The following TIPRL variants were observed in gnomAD, a reference collection of about 807,000 sequenced individuals.
The protein encoded by TIPRL is TIP41-like protein.
TIPRL carries 10 observed loss-of-function variants against 32.3 expected under a neutral mutation model. The ratio of observed to expected loss-of-function variants is 0.31; its 90% CI spans 0.19 to 0.52. The LOEUF is 0.52. Ranked by LOEUF, TIPRL falls within the 20% of genes least tolerant of loss-of-function variation. TIPRL has a pLI of 0.96. For missense variants in TIPRL, 250 were observed against 328.1 expected, an observed-to-expected ratio of 0.76 and a Z score of 1.84; for synonymous variants, 100 against 114.0, an observed-to-expected ratio of 0.88 and a Z score of 0.78.
At chr1:168,197,165 A>G (rs1700167693) in intron 5 of TIPRL, among the ~76,000 whole-genome samples, 1 of 152,138 alleles carries the variant, frequency 6.6e-6, no homozygotes, top group Non-Finnish European at 1.5e-5. Context: ...AATACAAAAA[A>G]TTAGCCAGGC....
At chr1:168,199,307 C>T (rs886380790) in intron 6 of TIPRL, among the ~76,000 whole-genome samples, 5 of 152,092 alleles carry the variant, frequency 3.3e-5, no homozygotes, top group Non-Finnish European at 7.4e-5. Flanking sequence ...ACCACCCTGC[C>T]GCCTTATTTC....
At chr1:168,195,189 G>A (rs961281899) in intron 4 of TIPRL, among the ~76,000 whole-genome samples, 5 of 152,150 alleles carry the variant, frequency 3.3e-5, no homozygotes, top group Non-Finnish European at 5.9e-5. Context: ...CATCATTAAT[G>A]TAGCCCTGTG....
In TIPRL at chr1:168,192,301, G is replaced by A. The variant is rs190220186; in HGVS notation, c.516+801G>A. On this transcript the variant is annotated intron_variant, in intron 4 of 6. Transcript: ENST00000367833. Reference sequence around the variant, plus strand: ...GCGGAGCTTGCAGTGAGCTGAGATCGCACCACTGCACTCCAGCCCTCCAGC... The same window carrying A: ...GCGGAGCTTGCAGTGAGCTGAGATCACACCACTGCACTCCAGCCCTCCAGC... 307 of 1,035,326 alleles carry A rather than the reference G, an allele frequency of 3.0e-4. 1 individual carries two copies. In the African/African-American group the frequency reaches 4.4e-3, roughly 15 times the overall value. The allele number at this position is 1,035,326 out of a possible 1,614,324, so 64.1% of individuals were successfully genotyped here.
intron 4 of TIPRL, among the ~76,000 whole-genome samples, chr1:168,195,880 T>C (rs1231351292): frequency 2.6e-5 from 4 of 152,156 alleles, no homozygotes; most frequent in Non-Finnish European, 4.4e-5. Flanking sequence ...GCTAAACATA[T>C]TCATTTTAAA....
intron 4 of TIPRL, among the ~76,000 whole-genome samples, chr1:168,192,932 T>C (rs1700117011): frequency 6.6e-6 from 1 of 152,182 alleles, no homozygotes; most frequent in African/African-American, 2.4e-5. Flanking sequence ...CTCTCAATTA[T>C]AGCATTTGTC....
intron 1 of TIPRL, 80 bp from the exon 2 acceptor site, chr1:168,183,822 G>C (rs1699995594): frequency 7.0e-7 from 1 of 1,436,700 alleles, no homozygotes; most frequent in African/African-American, 1.4e-5. Context: ...CAAGTAGGAA[G>C]AATTCTGTTG....
At chr1:168,199,635 A>G (rs1472511388) in intron 6 of TIPRL, among the ~76,000 whole-genome samples, 1 of 152,218 alleles carries the variant, frequency 6.6e-6, no homozygotes, top group African/African-American at 2.4e-5. Flanking sequence ...AGCAGGAGAT[A>G]CATAGGGTTG....
chr1:168,193,500 A>G (rs1292081657), intron 4 of TIPRL, among the ~76,000 whole-genome samples: 1 of 152,112 alleles, frequency 6.6e-6, no homozygotes, highest in Non-Finnish European at 1.5e-5. Flanking sequence ...CTAGTCTTGT[A>G]TCTTTCCACT....
intron 4 of TIPRL, 27 bp from the exon 5 acceptor site, chr1:168,196,520 T>C: frequency 7.0e-7 from 1 of 1,429,580 alleles, no homozygotes. Context: ...TATTAAAATA[T>C]TAATGTACCT....
chr1:168,198,955 C>T lies in TIPRL; in HGVS notation c.649C>T (p.Arg217Ter). The change falls in exon 6 of 7, where the codon CGA (arginine) becomes TGA (stop). Residue 217 changes from arginine (R) to a stop codon, truncating the protein, a stop_gained. Transcript: ENST00000367833. LOFTEE classifies it high-confidence loss of function. ...KTYMLREYTS[R>*]ESKISSLMHV... ...CTACATGTTACGAGAATATACGTCA[C>T]GAGAAAGCAAAATTTCTAGTTTGAT... The T allele has an allele frequency of 1.2e-6, 2 of 1,612,002 alleles. No individual in the cohort carries two copies.
intron 4 of TIPRL, chr1:168,192,234 G>A (rs1225872306): frequency 1.4e-6 from 2 of 1,460,652 alleles, no homozygotes; most frequent in Non-Finnish European, 1.8e-6. Flanking sequence ...TGTAGTCCCA[G>A]CTACTCGGGA....
intron 3 of TIPRL, 90 bp downstream of exon 3, chr1:168,184,968 C>G (rs1700009670): frequency 4.0e-6 from 3 of 748,396 alleles, no homozygotes; most frequent in East Asian, 5.8e-5. Flanking sequence ...TTTTTTGCAA[C>G]TATTTTTATC....
chr1:168,192,532 AC>A (rs1700111512), intron 4 of TIPRL: 1 of 445,138 alleles, frequency 2.2e-6, no homozygotes, highest in Admixed American at 6.4e-5. Context: ...CTAAAATACC[AC>A]CTTTTCTACA....
intron 4 of TIPRL, among the ~76,000 whole-genome samples, chr1:168,191,858 C>CAAAA (rs60988834): frequency 5.9e-4 from 23 of 38,860 alleles, no homozygotes; most frequent in South Asian, 9.7e-4. Context: ...GGCGACAGAG[C>CAAAA]AAAAAAAAAA....
At chr1:168,191,019 A>G (rs1435180373) in intron 3 of TIPRL, among the ~76,000 whole-genome samples, 2 of 152,330 alleles carry the variant, frequency 1.3e-5, no homozygotes, top group East Asian at 3.9e-4. Flanking sequence ...CAAATGTTCT[A>G]TGACCTTCTA....
chr1:168,181,562 T>C (rs576673449), intron 1 of TIPRL, among the ~76,000 whole-genome samples: 40 of 149,686 alleles, frequency 2.7e-4, no homozygotes, highest in Middle Eastern at 6.8e-3. Flanking sequence ...GCAAAAGTAA[T>C]TGCGGTTTTT....
At chr1:168,198,807 T>G (rs1700182757) in intron 5 of TIPRL, 112 bp from the exon 6 acceptor site, 1 of 844,912 alleles carries the variant, frequency 1.2e-6, no homozygotes, top group Admixed American at 2.5e-5. Flanking sequence ...CTCTTTAGAC[T>G]GCATGCTGTT....
chr1:168,183,508 C>T (rs1191761591), intron 1 of TIPRL, among the ~76,000 whole-genome samples: 1 of 151,224 alleles, frequency 6.6e-6, no homozygotes, highest in Non-Finnish European at 1.5e-5. Context: ...TTCATCACCA[C>T]GTTTTGAAAC....
chr1:168,178,981 C>CT lies in TIPRL; in HGVS notation c.-96dup. 8.8e-7 allele frequency: 1 copy of CT among 1,134,736 alleles called. No individual in the cohort carries two copies. Among genetic ancestry groups the CT allele is most frequent in the Admixed American group, 2.2e-5 (1 of 45,120 alleles). 70.3% of individuals were successfully genotyped at this position (1,134,736 alleles called of 1,614,324 possible). A position where few individuals can be genotyped will look rare whatever the true frequency, so the allele number is the denominator to read the frequency against. Reference sequence around the variant, plus strand: ...CCGGGCATGGTAACGGCTCGGAAGCCTAGGAGGCTGGGCCGGAGGGAGGCG... The same window carrying CT: ...CCGGGCATGGTAACGGCTCGGAAGCCTTAGGAGGCTGGGCCGGAGGGAGGCG... On this transcript the variant is annotated 5_prime_UTR_variant, in exon 1 of 7. An upstream open reading frame in the 5' UTR gains an earlier in-frame stop. Coordinates refer to ENST00000367833, the MANE Select transcript of TIPRL (RefSeq NM_152902.5).
Sources: gnomAD v4.1 joint callset for allele counts (sites outside exome capture counted in the v4.1 genomes callset) on GRCh38, gnomAD v4.1.1 for gene constraint, MANE v1.5 for transcripts, NCBI Gene and HGNC (gene_info 2026-07-23, HGNC 2026-07-21) for gene names.